ABTB2: variants seen among roughly 807,000 people sequenced by gnomAD.
ABTB2 encodes the protein ankyrin repeat and BTB domain containing 2.
ABTB2 carries 56 observed loss-of-function variants against 104.1 expected under a neutral mutation model. That is an observed-to-expected ratio of 0.54 (90% CI 0.43 to 0.67). The LOEUF (loss-of-function observed/expected upper bound fraction) is 0.67, where lower values mean the gene tolerates loss of function less well. Among genes scored for constraint, ABTB2 ranks in the 30% least tolerant of loss-of-function variants. The pLI is 0.00. For missense variants in ABTB2, 1,279 were observed against 1,407.7 expected, an observed-to-expected ratio of 0.91 and a Z score of 1.46; for synonymous variants, 606 against 608.2, an observed-to-expected ratio of 1.00 and a Z score of 0.05.
At chr11:34,235,150 C>T (rs544775623) in intron 1 of ABTB2, among the ~76,000 whole-genome samples, 18 of 152,236 alleles carry the variant, frequency 1.2e-4, no homozygotes, top group South Asian at 1.0e-3. Context: ...CGTGAGCCAC[C>T]GTGCCCGGCC....
At position 34,161,099 on chromosome 11, in the gene ABTB2, G is replaced by A. The variant is rs1852714966; in HGVS notation, c.2219-18C>T. The A allele has an allele frequency of 6.3e-7, 1 of 1,592,626 alleles. No individual in the cohort carries two copies. The highest frequency in any genetic ancestry group is 8.6e-7 in the Non-Finnish European group (1 of 1,168,504). ...GGGGACTCCTGGTCCAGGCAGGGAA[G>A]GGCAGGCAGTCACGCACCACAGCTG... On this transcript the variant is annotated intron_variant, in intron 10 of 16. Transcript: ENST00000435224.
At chr11:34,318,443 T>G (rs1854966079) in intron 1 of ABTB2, among the ~76,000 whole-genome samples, 1 of 152,262 alleles carries the variant, frequency 6.6e-6, no homozygotes, top group African/African-American at 2.4e-5. Context: ...TTCCAAGGAA[T>G]GACTTATTTT....
Position 34,356,952 on chromosome 11 carries a change from A to C in ABTB2, c.632T>G (p.Phe211Cys). ...CGLTFSVGRF[F>C]RWMVDTRISV... ...GATTCGGGTGTCCACCATCCAGCGGAAAAAGCGACCCACTGAGAAGGTGAG... is the reference window on the plus strand; with the variant it reads ...GATTCGGGTGTCCACCATCCAGCGGCAAAAGCGACCCACTGAGAAGGTGAG... The change falls in exon 1 of 17, where the codon TTC becomes TGC. Residue 211 changes from phenylalanine to cysteine, a missense_variant. Physicochemically the swap from Phe to Cys is radical, Grantham distance 205. Coordinates refer to ENST00000435224, the MANE Select transcript of ABTB2 (RefSeq NM_145804.3). The surrounding 1 kb of genome is among the most constrained non-coding windows in gnomAD (Gnocchi z 4.6). The C allele has an allele frequency of 1.3e-6, 2 of 1,598,898 alleles. No individual in the cohort carries two copies. Among genetic ancestry groups the C allele is most frequent in the Non-Finnish European group, 1.7e-6 (2 of 1,173,434 alleles).
chr11:34,272,473 C>G (rs1044979266), intron 1 of ABTB2, among the ~76,000 whole-genome samples: 2 of 151,810 alleles, frequency 1.3e-5, no homozygotes, highest in African/African-American at 4.8e-5. Flanking sequence ...TTTGGGAGGC[C>G]AAGGCAGGTG....
intron 1 of ABTB2, among the ~76,000 whole-genome samples, chr11:34,248,420 C>G (rs1423678033): frequency 6.6e-6 from 1 of 150,808 alleles, no homozygotes; most frequent in African/African-American, 2.4e-5. Flanking sequence ...TACCAGTTTC[C>G]TATTAAACAA....
intron 1 of ABTB2, among the ~76,000 whole-genome samples, chr11:34,261,852 G>C (rs1854192527): frequency 6.6e-6 from 1 of 152,190 alleles, no homozygotes; most frequent in Non-Finnish European, 1.5e-5. Flanking sequence ...AAACATCACA[G>C]TGCTATCTCT....
chr11:34,213,650 T>G (rs1853513317), intron 1 of ABTB2, among the ~76,000 whole-genome samples: 1 of 152,250 alleles, frequency 6.6e-6, no homozygotes, highest in African/African-American at 2.4e-5. Context: ...GCAGGGATGC[T>G]ACATTGCTGT....
intron 3 of ABTB2, among the ~76,000 whole-genome samples, chr11:34,193,773 C>T (rs1263633121): frequency 6.6e-6 from 1 of 152,212 alleles, no homozygotes; most frequent in Non-Finnish European, 1.5e-5. Context: ...AGGCCTCTGC[C>T]CCAAAGCCTG....
intron 1 of ABTB2, among the ~76,000 whole-genome samples, chr11:34,272,743 TAC>T (rs1358283490): frequency 1.6e-5 from 2 of 124,816 alleles, no homozygotes; most frequent in African/African-American, 7.3e-5. Flanking sequence ...CAACCAACCA[TAC>T]ACACTGGAAT....
intron 1 of ABTB2, among the ~76,000 whole-genome samples, chr11:34,274,188 A>AG (rs1854355769): frequency 1.4e-5 from 2 of 146,426 alleles, no homozygotes; most frequent in Non-Finnish European, 3.0e-5. Context: ...AAAAAAAAAA[A>AG]GATATTTAAC....
chr11:34,223,048 G>A (rs1230350380), intron 1 of ABTB2, among the ~76,000 whole-genome samples: 3 of 152,148 alleles, frequency 2.0e-5, no homozygotes, highest in South Asian at 4.2e-4. Context: ...AAAGCCCCTC[G>A]CTGTTTGTTT....
chr11:34,220,512 T>A (rs1325237580), intron 1 of ABTB2, among the ~76,000 whole-genome samples: 2 of 152,208 alleles, frequency 1.3e-5, no homozygotes, highest in African/African-American at 2.4e-5. Context: ...TGTGACATAC[T>A]GTTTGAAGAA....
At chr11:34,314,071 C>T (rs1322414313) in intron 1 of ABTB2, among the ~76,000 whole-genome samples, 1 of 152,172 alleles carries the variant, frequency 6.6e-6, no homozygotes, top group Non-Finnish European at 1.5e-5. Flanking sequence ...AAATTTACAA[C>T]AGCAAAGGAG....
chr11:34,298,488 A>C (rs187612175), intron 1 of ABTB2, among the ~76,000 whole-genome samples: 137 of 151,336 alleles, frequency 9.1e-4, no homozygotes, highest in Non-Finnish European at 9.1e-4. Flanking sequence ...TTTGGGACAG[A>C]GTCTCGCTCT....
chr11:34,247,039 G>A (rs1007210407), intron 1 of ABTB2, among the ~76,000 whole-genome samples: 1 of 151,966 alleles, frequency 6.6e-6, no homozygotes, highest in African/African-American at 2.4e-5. Flanking sequence ...TAGAGACGGG[G>A]TTTCTCCATG....
At chr11:34,272,290 C>T (rs1854323612) in intron 1 of ABTB2, among the ~76,000 whole-genome samples, 1 of 125,606 alleles carries the variant, frequency 8.0e-6, no homozygotes, top group East Asian at 2.2e-4. Flanking sequence ...ATTATAGAGT[C>T]ACAGGAAGCT....
intron 1 of ABTB2, among the ~76,000 whole-genome samples, chr11:34,350,794 G>T (rs1226623952): frequency 6.6e-6 from 1 of 152,190 alleles, no homozygotes; most frequent in African/African-American, 2.4e-5. Context: ...ACCTGTATTT[G>T]CTACCTTGGA....
chr11:34,310,540 G>A (rs1249901504), intron 1 of ABTB2, among the ~76,000 whole-genome samples: 1 of 152,008 alleles, frequency 6.6e-6, no homozygotes, highest in South Asian at 2.1e-4. Flanking sequence ...GCCAGAGCAA[G>A]CCCTCCTTTC....
chr11:34,304,882 C>T (rs1274776577), intron 1 of ABTB2, among the ~76,000 whole-genome samples: 1 of 152,222 alleles, frequency 6.6e-6, no homozygotes, highest in African/African-American at 2.4e-5. Flanking sequence ...CACTCTCTTC[C>T]AAGGGCATAG....
Sources: gnomAD v4.1 joint callset for allele counts (sites outside exome capture counted in the v4.1 genomes callset) on GRCh38, gnomAD v4.1.1 for gene constraint, Gnocchi (gnomAD v3.1) non-coding constraint, MANE v1.5 for transcripts, NCBI Gene and HGNC (gene_info 2026-07-23, HGNC 2026-07-21) for gene names.